CPNE4: variants seen among roughly 807,000 people sequenced by gnomAD.
CPNE4 encodes the protein copine-4.
In CPNE4, 25 loss-of-function variants were observed where a neutral mutation model predicts 67.9. The ratio of observed to expected loss-of-function variants is 0.37; its 90% CI spans 0.27 to 0.51. The LOEUF (loss-of-function observed/expected upper bound fraction) is 0.51, where lower values mean the gene tolerates loss of function less well. Ranked by LOEUF, CPNE4 falls within the 20% of genes least tolerant of loss-of-function variation. CPNE4 has a pLI of 0.93. For synonymous variants in CPNE4, 242 were observed against 244.9 expected (o/e 0.99, Z 0.11); for missense variants, 464 against 690.8 (o/e 0.67, Z 3.68).
chr3:132,018,250 G>A (rs979634817), intron 1 of CPNE4, among the ~76,000 whole-genome samples: 1 of 152,132 alleles, frequency 6.6e-6, no homozygotes, highest in Non-Finnish European at 1.5e-5. Context: ...TATGCTTTAG[G>A]GATGTCCATA....
At chr3:131,924,183 A>G (rs899234122) in intron 1 of CPNE4, among the ~76,000 whole-genome samples, 2 of 152,202 alleles carry the variant, frequency 1.3e-5, no homozygotes, top group African/African-American at 4.8e-5. Flanking sequence ...GCCACATGAC[A>G]TATCTTGTCT....
At chr3:131,617,688 T>G (rs1434324068) in intron 7 of CPNE4, among the ~76,000 whole-genome samples, 9 of 152,228 alleles carry the variant, frequency 5.9e-5, no homozygotes, top group Admixed American at 3.9e-4. Context: ...TTCAGTTTTC[T>G]GCACAACATG....
At chr3:131,631,650 C>T (rs991730751) in intron 7 of CPNE4, among the ~76,000 whole-genome samples, 2 of 151,724 alleles carry the variant, frequency 1.3e-5, no homozygotes, top group Admixed American at 6.6e-5. Flanking sequence ...AAATATGGTC[C>T]CCATCACAAA....
chr3:131,564,089 G>T, intron 11 of CPNE4, 127 bp downstream of exon 11: 1 of 1,117,898 alleles, frequency 8.9e-7, no homozygotes, highest in Non-Finnish European at 1.3e-6. Flanking sequence ...CAGAGGGAAT[G>T]AAACTTTTGA....
At chr3:131,789,316 T>C (rs1451651868) in intron 2 of CPNE4, among the ~76,000 whole-genome samples, 3 of 152,192 alleles carry the variant, frequency 2.0e-5, no homozygotes, top group South Asian at 4.1e-4. Context: ...GCCCTTGTAC[T>C]CTCAGAGACT....
chr3:131,613,400 T>A (rs1444256070), intron 7 of CPNE4, among the ~76,000 whole-genome samples: 1 of 152,102 alleles, frequency 6.6e-6, no homozygotes, highest in Admixed American at 6.6e-5. Context: ...GACCCCAACA[T>A]CCTATGGATA....
At chr3:131,906,217 TG>T (rs1251494972) in intron 1 of CPNE4, among the ~76,000 whole-genome samples, 1 of 131,218 alleles carries the variant, frequency 7.6e-6, no homozygotes, top group Non-Finnish European at 1.7e-5. Flanking sequence ...TTTTTGTTGT[TG>T]TTGTTTTGTT....
At chr3:131,827,828 G>C (rs1253650336) in intron 2 of CPNE4, among the ~76,000 whole-genome samples, 2 of 151,982 alleles carry the variant, frequency 1.3e-5, no homozygotes, top group Non-Finnish European at 2.9e-5. Context: ...CATAAATATA[G>C]AGCAGTTTCA....
In CPNE4 at chr3:132,005,370, CACAT is replaced by C. The variant is rs1472479809; in HGVS notation, c.-2+29193_-2+29196del. 4.9e-4 allele frequency among the ~76,000 whole-genome samples: 21 copies of C among 43,052 alleles called. 1 individual carries two copies. Among genetic ancestry groups the C allele is most frequent in the Admixed American group, 7.7e-4 (3 of 3,892 alleles). 28.2% of individuals were successfully genotyped at this position (43,052 alleles called of 152,430 possible). ...ACACACACACACACACACACACACA[CACAT>C]ATATGTTTATATTTCTATCATATAT... is the stretch of plus-strand genomic sequence containing the variant. On this transcript the variant is annotated intron_variant, in intron 1 of 15. Coordinates refer to ENST00000429747, the MANE Select transcript of CPNE4 (RefSeq NM_130808.3).
intron 1 of CPNE4, among the ~76,000 whole-genome samples, chr3:131,938,184 C>T (rs1011210112): frequency 6.6e-6 from 1 of 151,894 alleles, no homozygotes; most frequent in Admixed American, 6.6e-5. Flanking sequence ...TGGTGAAACC[C>T]TGTCTCTACA....
chr3:131,550,886 T>A (rs115196054), intron 13 of CPNE4, among the ~76,000 whole-genome samples: 240 of 152,158 alleles, frequency 1.6e-3, no homozygotes, highest in African/African-American at 5.4e-3. Flanking sequence ...GGAGAGGCAG[T>A]CCTATCTATA....
In CPNE4 at chr3:131,667,823, C is replaced by G. The variant is rs34364046; in HGVS notation, c.681+1852G>C. 2.6e-5 allele frequency among the ~76,000 whole-genome samples: 4 copies of G among 151,826 alleles called. No homozygotes were observed. The South Asian group carries it at 6.3e-4, about 24-fold the overall frequency. On this transcript the variant is annotated intron_variant, in intron 7 of 15. Transcript: ENST00000429747. ...ATTACAGATGACCCTCTCCTTTTATCCTCCTCATAAAAAGTTTAATGACTC... is the reference window on the plus strand; with the variant it reads ...ATTACAGATGACCCTCTCCTTTTATGCTCCTCATAAAAAGTTTAATGACTC...
chr3:132,025,553 C>T (rs1464503061), intron 1 of CPNE4, among the ~76,000 whole-genome samples: 2 of 152,116 alleles, frequency 1.3e-5, no homozygotes, highest in Non-Finnish European at 2.9e-5. Context: ...TCTACCATAC[C>T]TTCATAAACA....
intron 2 of CPNE4, among the ~76,000 whole-genome samples, chr3:131,743,855 C>T (rs946643195): frequency 1.4e-5 from 2 of 144,240 alleles, no homozygotes; most frequent in African/African-American, 5.1e-5. Flanking sequence ...CCCAGCTACT[C>T]GGGAGGCTGA....
intron 2 of CPNE4, among the ~76,000 whole-genome samples, chr3:131,827,054 A>C (rs1583278725): frequency 6.6e-6 from 1 of 150,458 alleles, no homozygotes; most frequent in African/African-American, 2.4e-5. Context: ...AAAACAAAAC[A>C]AAAAAAAACA....
chr3:131,792,676 TATACACACGTGTATATATACATATACAC>T, intron 2 of CPNE4, among the ~76,000 whole-genome samples: 2 of 71,332 alleles, frequency 2.8e-5, no homozygotes, highest in African/African-American at 1.2e-4. Context: ...TATATACATA[TATACACACGTGTATATATACATATACAC>T]ACACGTGTAT....
At chr3:131,781,220 C>A (rs540296381) in intron 2 of CPNE4, among the ~76,000 whole-genome samples, 1 of 152,022 alleles carries the variant, frequency 6.6e-6, no homozygotes, top group Non-Finnish European at 1.5e-5. Context: ...GAGTGAGCAG[C>A]GAAGACATTT....
At chr3:131,856,936 G>A (rs2086469152) in intron 2 of CPNE4, among the ~76,000 whole-genome samples, 1 of 151,958 alleles carries the variant, frequency 6.6e-6, no homozygotes, top group Non-Finnish European at 1.5e-5. Flanking sequence ...TCTTCCCCAT[G>A]ATGATATATG....
Position 132,034,142 on chromosome 3 carries a change from T to C in CPNE4, c.-2+425A>G, listed in dbSNP as rs542681474. Among the ~76,000 whole-genome samples, 41 of 152,242 alleles carry C rather than the reference T, an allele frequency of 2.7e-4. 1 individual carries two copies. In the South Asian group the frequency reaches 7.9e-3, roughly 29 times the overall value. On this transcript the variant is annotated intron_variant, in intron 1 of 15. Transcript: ENST00000429747. ...GTCAAGCCATTGGAAGGGACTACAA[T>C]GTCCCACAGCTTTCTCACTGTCAGA... is the stretch of plus-strand genomic sequence containing the variant.
Sources: gnomAD v4.1 joint callset for allele counts (sites outside exome capture counted in the v4.1 genomes callset) on GRCh38, gnomAD v4.1.1 for gene constraint, MANE v1.5 for transcripts, NCBI Gene and HGNC (gene_info 2026-07-23, HGNC 2026-07-21) for gene names.